The following SFMBT2 variants were observed in gnomAD, a reference collection of about 807,000 sequenced individuals.
SFMBT2 encodes the protein Scm like with four mbt domains 2, also known as scm-like with four MBT domains protein 2.
SFMBT2 carries 38 observed loss-of-function variants against 110.1 expected under a neutral mutation model. The ratio of observed to expected loss-of-function variants is 0.35; its 90% confidence interval spans 0.27 to 0.45. The LOEUF (loss-of-function observed/expected upper bound fraction) is 0.45. SFMBT2 is among the 20% of genes least tolerant of loss of function. SFMBT2 has a pLI of 1.00. For missense variants in SFMBT2, 1,011 were observed against 1,094.9 expected, an observed-to-expected ratio of 0.92 and a Z score of 1.08; for synonymous variants, 425 against 425.4, an observed-to-expected ratio of 1.00 and a Z score of 0.01.
intron 1 of SFMBT2, among the ~76,000 whole-genome samples, chr10:7,393,014 TATATATATATATATATATATAA>T (rs373948281): frequency 0.089 from 7,973 of 90,074 alleles, 1,066 homozygotes; most frequent in African/African-American, 0.36. Flanking sequence ...TATATATATA[TATATATATATATATATATATAA>T]TTTTTTTTTT....
chr10:7,310,409 T>C (rs1191463838), intron 4 of SFMBT2, among the ~76,000 whole-genome samples: 2 of 152,224 alleles, frequency 1.3e-5, no homozygotes, highest in Non-Finnish European at 2.9e-5. Context: ...GGCACTTACC[T>C]TCCTGAGCTG....
chr10:7,318,255 T>C (rs538921160), intron 4 of SFMBT2, among the ~76,000 whole-genome samples: 26 of 152,354 alleles, frequency 1.7e-4, no homozygotes, highest in African/African-American at 6.3e-4. Context: ...CAACCTTTTT[T>C]TCTCTCATTA....
rs922089522 is a variant in SFMBT2, at chr10:7,172,284, C to T, written c.2152-126G>A. On this transcript the variant is annotated intron_variant, in intron 18 of 20. Coordinates refer to ENST00000397167, the MANE Select transcript of SFMBT2 (RefSeq NM_001387889.1). The surrounding 1 kb of genome is among the most constrained non-coding windows in gnomAD (Gnocchi z 4.6). ...CCCTCGGAAATGGAGCCAGTGGTCC[C>T]ACCCGTGGGCCCTACGAGGCCCTTC... is the stretch of plus-strand genomic sequence containing the variant. The T allele has an allele frequency of 6.7e-5, 97 of 1,452,942 alleles. No homozygotes were observed. The highest frequency in any genetic ancestry group is 8.1e-5 in the Non-Finnish European group (90 of 1,105,146). The allele number at this position is 1,452,942 out of a possible 1,614,324, so 90.0% of individuals were successfully genotyped here.
Position 7,205,870 on chromosome 10 carries a change from TG to T in SFMBT2, c.1388del (p.Pro463GlnfsTer12). The T allele has an allele frequency of 6.2e-7, 1 of 1,614,138 alleles. No homozygotes were observed. ...AAGAATTGGCTTCACACCAGCCCAC[TG>T]GGAAGATGTCCATGGATTCCACATC... ...IVDVESMDIF[P>X]VGWCEANSYP... is the part of the protein sequence containing the mutation. On this transcript the variant is annotated frameshift_variant, in exon 12 of 21. Coordinates refer to ENST00000397167, the MANE Select transcript of SFMBT2 (RefSeq NM_001387889.1). LOFTEE classifies it high-confidence loss of function.
intron 7 of SFMBT2, among the ~76,000 whole-genome samples, chr10:7,272,646 C>T (rs904980647): frequency 2.0e-5 from 3 of 152,174 alleles, no homozygotes; most frequent in Non-Finnish European, 4.4e-5. Flanking sequence ...TCCTGGAACG[C>T]TGGCAGTCAG....
Position 7,386,055 on chromosome 10 carries a change from T to C in SFMBT2, c.-51-4106A>G, listed in dbSNP as rs1219899805. 4.6e-5 allele frequency among the ~76,000 whole-genome samples: 7 copies of C among 152,082 alleles called. No homozygotes were observed. In the South Asian group the frequency reaches 8.3e-4, roughly 18 times the overall value. The stretch of plus-strand genomic sequence containing the variant: ...CAAGCTCTCAGATTTCAAACTTTCA[T>C]AGATAAGAGCAAAACCACAATCCAG... On this transcript the variant is annotated intron_variant, in intron 1 of 20. Coordinates refer to ENST00000397167, the MANE Select transcript of SFMBT2 (RefSeq NM_001387889.1).
intron 10 of SFMBT2, among the ~76,000 whole-genome samples, chr10:7,222,060 G>T (rs1047490191): frequency 2.6e-5 from 4 of 152,180 alleles, no homozygotes; most frequent in Non-Finnish European, 5.9e-5. Context: ...TTTAGGATCA[G>T]AATCCCCATT....
Position 7,367,014 on chromosome 10 carries a change from A to G in SFMBT2, c.436+635T>C, listed in dbSNP as rs140488002. 5.9e-3 allele frequency among the ~76,000 whole-genome samples: 894 copies of G among 151,524 alleles called. 12 individuals are homozygous for G. Among genetic ancestry groups the G allele is most frequent in the African/African-American group, 0.02 (833 of 41,274 alleles). On this transcript the variant is annotated intron_variant, in intron 4 of 20. Transcript: ENST00000397167. The surrounding 1 kb of genome is among the most constrained non-coding windows in gnomAD (Gnocchi z 6.2). ...ATTGATCATATCTATATGGGCTTTG[A>G]CCACTCCCTTGAGACCAATGTCATT...
intron 7 of SFMBT2, among the ~76,000 whole-genome samples, chr10:7,267,239 G>C (rs1013124277): frequency 2.6e-5 from 4 of 152,156 alleles, no homozygotes; most frequent in African/African-American, 9.7e-5. Context: ...CTTCTGTCTG[G>C]TTTTCTGGAC....
intron 20 of SFMBT2, among the ~76,000 whole-genome samples, chr10:7,165,914 G>C (rs934728767): frequency 2.0e-5 from 3 of 152,250 alleles, no homozygotes; most frequent in African/African-American, 7.2e-5. Context: ...AAGAAACCAA[G>C]GGGACCTCTG....
At chr10:7,176,892 C>A (rs554970875) in intron 16 of SFMBT2, among the ~76,000 whole-genome samples, 1 of 151,936 alleles carries the variant, frequency 6.6e-6, no homozygotes. Context: ...AAGGGGTCTC[C>A]GGTGGATGAG....
chr10:7,380,913 G>C (rs1370411379), intron 2 of SFMBT2, among the ~76,000 whole-genome samples: 1 of 152,086 alleles, frequency 6.6e-6, no homozygotes, highest in Non-Finnish European at 1.5e-5. Context: ...AGCAGGCACA[G>C]TGGGACACAC....
intron 4 of SFMBT2, among the ~76,000 whole-genome samples, chr10:7,361,392 G>A (rs1844713291): frequency 1.3e-5 from 2 of 152,174 alleles, no homozygotes; most frequent in Non-Finnish European, 2.9e-5. Flanking sequence ...GGTAAGTCCT[G>A]CTTGTCTAGT....
At chr10:7,289,885 A>G (rs143523462) in intron 4 of SFMBT2, among the ~76,000 whole-genome samples, 2 of 152,354 alleles carry the variant, frequency 1.3e-5, no homozygotes, top group East Asian at 1.9e-4. Context: ...ATTCACTGCA[A>G]TGGAAGCTAA....
At chr10:7,246,194 G>C (rs1840603187) in intron 8 of SFMBT2, 2 of 983,668 alleles carry the variant, frequency 2.0e-6, no homozygotes, top group Non-Finnish European at 2.4e-6. Context: ...CAAAGGGTAA[G>C]AAAAAGCAAA....
At chr10:7,363,124 G>A (rs1844776082) in intron 4 of SFMBT2, among the ~76,000 whole-genome samples, 1 of 152,142 alleles carries the variant, frequency 6.6e-6, no homozygotes, top group African/African-American at 2.4e-5. Flanking sequence ...CATGTTGTGG[G>A]AGGGACCCAG....
At chr10:7,253,199 T>A (rs556459086) in intron 7 of SFMBT2, among the ~76,000 whole-genome samples, 3 of 152,268 alleles carry the variant, frequency 2.0e-5, no homozygotes, top group African/African-American at 7.2e-5. Context: ...TTCATTTGCA[T>A]CCTGTATGGT....
chr10:7,314,688 A>C (rs1842937254), intron 4 of SFMBT2, among the ~76,000 whole-genome samples: 1 of 152,108 alleles, frequency 6.6e-6, no homozygotes, highest in African/African-American at 2.4e-5. Flanking sequence ...CAGGGGAGTC[A>C]CCTGAGGTCA....
At chr10:7,351,302 T>C (rs776570364) in intron 4 of SFMBT2, among the ~76,000 whole-genome samples, 2 of 152,218 alleles carry the variant, frequency 1.3e-5, no homozygotes, top group Non-Finnish European at 2.9e-5. Flanking sequence ...CAAGGCATTA[T>C]AAGAAATCAA....
Sources: allele counts gnomAD v4.1 joint callset (sites outside exome capture counted in the v4.1 genomes callset), GRCh38; gene constraint gnomAD v4.1.1; non-coding constraint Gnocchi (gnomAD v3.1); transcripts MANE v1.5; gene names NCBI Gene and HGNC (gene_info 2026-07-23, HGNC 2026-07-21).